PTPRN2: variants seen among roughly 807,000 people sequenced by gnomAD.
The protein encoded by PTPRN2 is protein tyrosine phosphatase receptor type N2, also known as receptor-type tyrosine-protein phosphatase N2.
A neutral mutation model predicts 118.8 loss-of-function variants in PTPRN2; 74 were observed. The ratio of observed to expected loss-of-function variants is 0.62; its 90% CI spans 0.52 to 0.76. The LOEUF (loss-of-function observed/expected upper bound fraction) is 0.76. PTPRN2 is among the 30% of genes least tolerant of loss of function. The pLI is 0.00. For synonymous variants in PTPRN2, 641 were observed against 608.0 expected (o/e 1.05, Z -0.80); for missense variants, 1,481 against 1,394.4 (o/e 1.06, Z -0.99).
rs147588992 is a variant in PTPRN2, at chr7:157,996,550, G to A, written c.1723+84748C>T. On this transcript the variant is annotated intron_variant, in intron 11 of 22. Coordinates refer to ENST00000389418, the MANE Select transcript of PTPRN2 (RefSeq NM_002847.5). ...TCCTTCCAAGGCGGGCAGCTCCTGC[G>A]TGCACATGGGGGCTCCCACCACCCC... is the stretch of plus-strand genomic sequence containing the variant. Among the ~76,000 whole-genome samples, 603 of 152,268 alleles carry A rather than the reference G, an allele frequency of 4.0e-3. 1 individual carries two copies. The highest frequency in any genetic ancestry group is 0.014 in the African/African-American group (567 of 41,548).
chr7:157,789,754 TG>T (rs1345715628), intron 12 of PTPRN2, among the ~76,000 whole-genome samples: 1 of 148,670 alleles, frequency 6.7e-6, no homozygotes. Flanking sequence ...GTGGTGTGTG[TG>T]GGGTATATGT....
At chr7:158,492,550 C>A (rs1821536581) in intron 1 of PTPRN2, among the ~76,000 whole-genome samples, 1 of 152,202 alleles carries the variant, frequency 6.6e-6, no homozygotes, top group African/African-American at 2.4e-5. Context: ...ATTCGTTACT[C>A]CAGAGGACTG....
intron 6 of PTPRN2, among the ~76,000 whole-genome samples, chr7:158,149,498 A>C (rs561555779): frequency 2.6e-5 from 4 of 152,086 alleles, no homozygotes; most frequent in Non-Finnish European, 4.4e-5. Flanking sequence ...CAATTAACTC[A>C]CTGATTTTTA....
At chr7:158,006,839 C>G (rs1563322160) in intron 11 of PTPRN2, among the ~76,000 whole-genome samples, 1 of 152,186 alleles carries the variant, frequency 6.6e-6, no homozygotes, top group Non-Finnish European at 1.5e-5. Context: ...CAGGAAACCC[C>G]ATGGACACCC....
chr7:158,556,490 T>G (rs1827005534), intron 1 of PTPRN2, among the ~76,000 whole-genome samples: 1 of 151,772 alleles, frequency 6.6e-6, no homozygotes, highest in Admixed American at 6.5e-5. Context: ...GAGGCGGAAG[T>G]TGCAGTGAGC....
At chr7:157,552,632 C>T (rs1005531107) in intron 21 of PTPRN2, among the ~76,000 whole-genome samples, 3 of 152,210 alleles carry the variant, frequency 2.0e-5, no homozygotes, top group Admixed American at 6.5e-5. Flanking sequence ...TGTATTACAA[C>T]CAGTCTTGTG....
chr7:158,133,153 A>G (rs1333493432), intron 9 of PTPRN2, among the ~76,000 whole-genome samples: 3 of 152,196 alleles, frequency 2.0e-5, no homozygotes, highest in Non-Finnish European at 4.4e-5. Context: ...AAGGGCGCCC[A>G]CGCCAGGATA....
At chr7:157,776,461 C>T (rs111204843) in intron 12 of PTPRN2, among the ~76,000 whole-genome samples, 2,043 of 14,252 alleles carry the variant, frequency 0.14, no homozygotes, top group East Asian at 0.18. Flanking sequence ...TCCTCCTCCT[C>T]CCTCTCCTTC....
chr7:158,500,861 G>T (rs1242347809), intron 1 of PTPRN2, among the ~76,000 whole-genome samples: 1 of 152,274 alleles, frequency 6.6e-6, no homozygotes, highest in Non-Finnish European at 1.5e-5. Flanking sequence ...TCCGGAGCAG[G>T]CCAGAGAACC....
At chr7:158,057,580 C>T (rs1467152606) in intron 11 of PTPRN2, among the ~76,000 whole-genome samples, 3 of 152,232 alleles carry the variant, frequency 2.0e-5, no homozygotes, top group Non-Finnish European at 4.4e-5. Flanking sequence ...GCACTGTGGC[C>T]TGGAGTGGGT....
intron 2 of PTPRN2, among the ~76,000 whole-genome samples, chr7:158,485,022 G>A (rs187471049): frequency 1.1e-3 from 172 of 152,162 alleles, no homozygotes; most frequent in African/African-American, 3.8e-3. Context: ...CTGTGGCCCC[G>A]GCCGCCAGCG....
chr7:157,884,788 A>C (rs1796359797), intron 12 of PTPRN2, among the ~76,000 whole-genome samples: 1 of 152,010 alleles, frequency 6.6e-6, no homozygotes, highest in Non-Finnish European at 1.5e-5. Flanking sequence ...TGATTCAATG[A>C]CCTCCCACCA....
intron 2 of PTPRN2, among the ~76,000 whole-genome samples, chr7:158,451,372 A>G (rs1201611198): frequency 2.0e-5 from 3 of 152,178 alleles, no homozygotes; most frequent in Non-Finnish European, 4.4e-5. Flanking sequence ...TGAAATTATC[A>G]GTAATTTCCT....
At chr7:157,956,465 A>G (rs1311503529) in intron 11 of PTPRN2, among the ~76,000 whole-genome samples, 2 of 152,266 alleles carry the variant, frequency 1.3e-5, no homozygotes, top group African/African-American at 4.8e-5. Flanking sequence ...AGAAATGCTG[A>G]AAAATCCTCA....
intron 2 of PTPRN2, among the ~76,000 whole-genome samples, chr7:158,485,789 C>T (rs1820976735): frequency 6.6e-6 from 1 of 152,148 alleles, no homozygotes; most frequent in African/African-American, 2.4e-5. Flanking sequence ...ATAAAAGTCA[C>T]TACCCAGAGA....
intron 12 of PTPRN2, among the ~76,000 whole-genome samples, chr7:157,754,058 G>A (rs971897587): frequency 3.1e-4 from 47 of 152,236 alleles, no homozygotes; most frequent in African/African-American, 9.6e-4. Context: ...AGGACCAGGC[G>A]TTGTGGCTGG....
At chr7:158,479,853 TGC>T (rs992218656) in intron 2 of PTPRN2, among the ~76,000 whole-genome samples, 10 of 152,232 alleles carry the variant, frequency 6.6e-5, no homozygotes, top group Admixed American at 5.2e-4. Context: ...AAGCCAGCTC[TGC>T]GGCGCAGTGG....
intron 12 of PTPRN2, among the ~76,000 whole-genome samples, chr7:157,757,759 CA>C (rs1801881053): frequency 6.6e-6 from 1 of 151,080 alleles, no homozygotes; most frequent in Non-Finnish European, 1.5e-5. Context: ...TTTTGAAGAA[CA>C]AGGGAAATAA....
chr7:158,435,858 G>A (rs1370921379), intron 2 of PTPRN2, among the ~76,000 whole-genome samples: 1 of 152,208 alleles, frequency 6.6e-6, no homozygotes, highest in African/African-American at 2.4e-5. Flanking sequence ...CTTAGACGAG[G>A]CATCTAAAAT....
Sources: gnomAD v4.1 joint callset for allele counts (sites outside exome capture counted in the v4.1 genomes callset) on GRCh38, gnomAD v4.1.1 for gene constraint, MANE v1.5 for transcripts, NCBI Gene and HGNC (gene_info 2026-07-23, HGNC 2026-07-21) for gene names.